PRKDC: variants seen among roughly 807,000 people sequenced by gnomAD.
PRKDC encodes DNA-dependent protein kinase catalytic subunit.
A neutral mutation model predicts 486.9 loss-of-function variants in PRKDC; 82 were observed. The observed-to-expected ratio is 0.17, with a 90% CI of 0.14 to 0.20. The LOEUF (loss-of-function observed/expected upper bound fraction) is 0.20, where lower values mean the gene tolerates loss of function less well. PRKDC is among the 10% of genes least tolerant of loss of function. The probability of loss-of-function intolerance (pLI) is 1.00; values close to 1 mark genes in which losing one functional copy is unlikely to be tolerated. For missense variants in PRKDC, 4,504 were observed against 5,038.2 expected (o/e 0.89, Z 3.21); for synonymous variants, 1,895 against 1,837.0 (o/e 1.03, Z -0.81).
intron 21 of PRKDC, among the ~76,000 whole-genome samples, chr8:47,921,000 T>C (rs2090060671): frequency 6.6e-6 from 1 of 152,166 alleles, no homozygotes; most frequent in Non-Finnish European, 1.5e-5. Flanking sequence ...ACGCCTGTAA[T>C]CCCAGCACTT....
chr8:47,939,449 T>C (rs1174296623), intron 11 of PRKDC, 102 bp downstream of exon 11: 2 of 1,322,246 alleles, frequency 1.5e-6, no homozygotes, highest in Admixed American at 2.0e-5. Flanking sequence ...GGGTCTACTG[T>C]ATTGTTACAA....
intron 22 of PRKDC, among the ~76,000 whole-genome samples, chr8:47,916,420 G>A (rs1052613778): frequency 2.0e-5 from 3 of 151,336 alleles, no homozygotes; most frequent in Non-Finnish European, 4.4e-5. Context: ...AACGTAGCGA[G>A]ACTCCATCTC....
chr8:47,879,437 A>T, intron 39 of PRKDC, 54 bp downstream of exon 39: 1 of 1,449,912 alleles, frequency 6.9e-7, no homozygotes, highest in Non-Finnish European at 9.2e-7. Flanking sequence ...CAAGATATGT[A>T]ACAAGAAAAA....
Position 47,887,569 on chromosome 8 carries a change from A to G in PRKDC, c.4550T>C (p.Leu1517Ser). The change falls in exon 35 of 86, where the codon TTA (leucine) becomes TCA (serine). Residue 1517 changes from leucine (L) to serine (S), a missense_variant. Around this residue, in one of 6 missense-constraint regions of PRKDC, gnomAD observed 1,969 missense variants for 2,068.9 expected, o/e 0.95. Transcript: ENST00000314191. Reference protein sequence around the residue: ...CKQLASGLLELAFAFGGLCER... With the variant: ...CKQLASGLLESAFAFGGLCER... ...TACCAGTCCTCCAAAAGCAAAGGCT[A>G]ACTCCAGAAGTCCGCTGGCCAGCTG... is the stretch of plus-strand genomic sequence containing the variant. 6.3e-7 allele frequency: 1 copy of G among 1,589,850 alleles called. No individual in the cohort carries two copies. The highest frequency in any genetic ancestry group is 8.6e-7 in the Non-Finnish European group (1 of 1,168,222).
At position 47,836,475 on chromosome 8, in the gene PRKDC, A is replaced by G. The variant is rs530093360; in HGVS notation, c.7814T>C (p.Met2605Thr). ...CTGGGAGGCCTGGGTCTCCACAAAC[A>G]TCGGAGTGAGAACAGTACTTCGGAA... ...WRFRSTVLTP[M>T]FVETQASQGT... The change falls in exon 58 of 86, where the codon ATG becomes ACG. Residue 2605 changes from methionine to threonine, a missense_variant. Coordinates refer to ENST00000314191, the MANE Select transcript of PRKDC (RefSeq NM_006904.7). 1 of 1,611,292 alleles carries G rather than the reference A, an allele frequency of 6.2e-7. No individual in the cohort carries two copies. Among genetic ancestry groups the G allele is most frequent in the African/African-American group, 1.3e-5 (1 of 75,008 alleles).
In PRKDC at chr8:47,798,465, A is replaced by G. The variant is rs1281676153; in HGVS notation, c.10298-68T>C. 5 of 1,430,834 alleles carry G rather than the reference A, an allele frequency of 3.5e-6. No homozygotes were observed. In the African/African-American group the frequency reaches 5.7e-5, roughly 16 times the overall value. The allele number at this position is 1,430,834 out of a possible 1,614,324, so 88.6% of individuals were successfully genotyped here. ...CAATATCCATAAACTATGATGTTAA[A>G]TGCTAACACTTTCCCTTTTTGGCTT... On this transcript the variant is annotated intron_variant, in intron 72 of 85. Transcript: ENST00000314191.
intron 22 of PRKDC, 54 bp from the exon 23 acceptor site, chr8:47,915,472 T>A (rs2089969670): frequency 3.6e-6 from 4 of 1,107,330 alleles, no homozygotes. Context: ...AAAGATTAAA[T>A]AGAAGACATA....
Position 47,929,842 on chromosome 8 carries a change from G to C in PRKDC, c.2052+11C>G, listed in dbSNP as rs769287265. On this transcript the variant is annotated intron_variant, in intron 18 of 85. Coordinates refer to ENST00000314191, the MANE Select transcript of PRKDC (RefSeq NM_006904.7). ...AAACGCAAGATTCAACATCCTGCAA[G>C]AAAGACTCACCTCGAAATATTTTAT... is the stretch of plus-strand genomic sequence containing the variant. 3.8e-6 allele frequency: 6 copies of C among 1,588,508 alleles called. No individual in the cohort carries two copies. The East Asian group carries it at 1.3e-4, about 36-fold the overall frequency.
At chr8:47,936,015 T>C in intron 12 of PRKDC, 115 bp from the exon 13 acceptor site, 3 of 1,054,550 alleles carry the variant, frequency 2.8e-6, no homozygotes, top group Non-Finnish European at 4.0e-6. Context: ...AAGAAAAACA[T>C]GGTTTGTCAT....
Position 47,914,439 on chromosome 8 carries a change from T to C in PRKDC, c.2618-375A>G, listed in dbSNP as rs114890352. On this transcript the variant is annotated intron_variant, in intron 23 of 85. Coordinates refer to ENST00000314191, the MANE Select transcript of PRKDC (RefSeq NM_006904.7). ...TCCCTAAATAACCAAAAGTCACTGGTATATTTAACACCAAATTTCAAAAGT... is the reference window on the plus strand; with the variant it reads ...TCCCTAAATAACCAAAAGTCACTGGCATATTTAACACCAAATTTCAAAAGT... Among the ~76,000 whole-genome samples the C allele has an allele frequency of 3.4e-3, 523 of 152,250 alleles. 4 individuals are homozygous for C. Among genetic ancestry groups the C allele is most frequent in the African/African-American group, 0.012 (497 of 41,550 alleles).
intron 68 of PRKDC, among the ~76,000 whole-genome samples, chr8:47,816,840 T>C (rs2087458070): frequency 6.6e-6 from 1 of 150,856 alleles, no homozygotes; most frequent in Non-Finnish European, 1.5e-5. Context: ...AAAAAAGTAG[T>C]AGTGGAGGAA....
At chr8:47,907,603 G>A (rs1216132633) in intron 25 of PRKDC, among the ~76,000 whole-genome samples, 1 of 139,160 alleles carries the variant, frequency 7.2e-6, no homozygotes, top group Non-Finnish European at 1.5e-5. Context: ...GGTGAAATCT[G>A]GGCTCACTGC....
intron 10 of PRKDC, among the ~76,000 whole-genome samples, chr8:47,942,597 TTTG>T (rs2090463194): frequency 6.6e-6 from 1 of 152,136 alleles, no homozygotes; most frequent in South Asian, 2.1e-4. Context: ...TAAGAAAACA[TTTG>T]TTGTGAATCT....
intron 10 of PRKDC, among the ~76,000 whole-genome samples, chr8:47,941,648 A>G (rs2090447278): frequency 6.6e-6 from 1 of 152,136 alleles, no homozygotes. Context: ...CCTTCGGTTG[A>G]TTTTTATCTG....
chr8:47,831,917 C>A lies in PRKDC; in HGVS notation c.8162G>T (p.Gly2721Val). 1 of 1,612,134 alleles carries A rather than the reference C, an allele frequency of 6.2e-7. No individual in the cohort carries two copies. The highest frequency in any genetic ancestry group is 1.1e-5 in the South Asian group (1 of 91,014). Residue 2721 changes from glycine (G) to valine (V), a missense_variant, in exon 60 of 86, where the codon GGC (glycine) becomes GTC (valine). Transcript: ENST00000314191. ...GCGCAGTCGTAGTAGGTCCGTCCGGCCGGCCGCACCTGGAGAGGGAAAGCA... is the reference window on the plus strand; with the variant it reads ...GCGCAGTCGTAGTAGGTCCGTCCGGACGGCCGCACCTGGAGAGGGAAAGCA... ...EVDNKVKGAAGRTDLLRLRRR... is the reference protein window; with the variant it reads ...EVDNKVKGAAVRTDLLRLRRR...
chr8:47,891,548 G>A (rs547294947), intron 31 of PRKDC, among the ~76,000 whole-genome samples: 68 of 151,918 alleles, frequency 4.5e-4, no homozygotes, highest in Non-Finnish European at 5.7e-4. Context: ...GTGAAACCCC[G>A]TCTCTACTAA....
At chr8:47,954,176 C>T (rs2090667600) in intron 5 of PRKDC, among the ~76,000 whole-genome samples, 162 bp downstream of exon 5, 1 of 152,102 alleles carries the variant, frequency 6.6e-6, no homozygotes, top group Non-Finnish European at 1.5e-5. Context: ...GAAGGGAAGT[C>T]TTCACATGTT....
At chr8:47,842,968 C>T (rs528471669) in intron 54 of PRKDC, among the ~76,000 whole-genome samples, 46 of 152,254 alleles carry the variant, frequency 3.0e-4, no homozygotes, top group African/African-American at 9.4e-4. Context: ...AGTTTGAGAC[C>T]AGCCTGGGCA....
chr8:47,908,059 T>C (rs930022576), intron 25 of PRKDC, among the ~76,000 whole-genome samples: 5 of 152,214 alleles, frequency 3.3e-5, no homozygotes, highest in African/African-American at 1.2e-4. Flanking sequence ...TAAGCAGCTC[T>C]CTTGTAAGGA....
Sources: allele counts gnomAD v4.1 joint callset (sites outside exome capture counted in the v4.1 genomes callset), GRCh38; gene constraint gnomAD v4.1.1; regional missense constraint gnomAD v4.1.1; transcripts MANE v1.5; gene names NCBI Gene and HGNC (gene_info 2026-07-23, HGNC 2026-07-21).